ZNF841: variants seen among roughly 807,000 people sequenced by gnomAD.
ZNF841 encodes the protein TCONS_00006091.
In ZNF841, 11 loss-of-function variants were observed where a neutral mutation model predicts 13.0. The ratio of observed to expected loss-of-function variants is 0.85; its 90% confidence interval spans 0.53 to 1.40. ZNF841 has a LOEUF of 1.40. Ranked by LOEUF, ZNF841 falls within the 40% of genes most tolerant of loss-of-function variation. The pLI is 0.00. For missense variants in ZNF841, 1,068 were observed against 1,139.5 expected (o/e 0.94, Z 0.90); for synonymous variants, 369 against 381.6 (o/e 0.97, Z 0.38).
At chr19:52,090,073 AGATT>A (rs1252070061) in intron 2 of ZNF841, among the ~76,000 whole-genome samples, 1 of 152,200 alleles carries the variant, frequency 6.6e-6, no homozygotes, top group Non-Finnish European at 1.5e-5. Flanking sequence ...GGCATTGGCT[AGATT>A]AAGTTCAGTG....
chr19:52,086,314 G>A (rs1177956047), intron 3 of ZNF841, among the ~76,000 whole-genome samples: 1 of 152,064 alleles, frequency 6.6e-6, no homozygotes, highest in East Asian at 1.9e-4. Flanking sequence ...CCACCCCTTG[G>A]TGCTGTTCTT....
chr19:52,094,443 T>C lies in ZNF841; in HGVS notation c.-269-472A>G, dbSNP rs539501217. The stretch of plus-strand genomic sequence containing the variant: ...TTTCTGTTTTGCACCCCTTTCTTTA[T>C]TCCCTCTTTTATGTCTGTTCTGCCC... On this transcript the variant is annotated intron_variant, in intron 1 of 6. Coordinates refer to ENST00000594440, the MANE Select transcript of ZNF841 (RefSeq NM_001136499.2). Among the ~76,000 whole-genome samples, 5 of 152,138 alleles carry C rather than the reference T, an allele frequency of 3.3e-5. No homozygotes were observed. In the South Asian group the frequency reaches 1.0e-3, roughly 32 times the overall value.
Position 52,066,498 on chromosome 19 carries a change from A to G in ZNF841, c.1384T>C (p.Cys462Arg), listed in dbSNP as rs1191617964. 36 of 1,614,094 alleles carry G rather than the reference A, an allele frequency of 2.2e-5. No individual in the cohort carries two copies. Among genetic ancestry groups the G allele is most frequent in the Non-Finnish European group, 3.1e-5 (36 of 1,179,988 alleles). Residue 462 changes from cysteine (C) to arginine (R), a missense_variant, in exon 7 of 7, where the codon TGT (cysteine) becomes CGT (arginine). Transcript: ENST00000594440. ...TGETPYKCNECGKVFFQRSRL... is the reference protein window; with the variant it reads ...TGETPYKCNERGKVFFQRSRL... ...GAACGTTGAAAGAAGACCTTGCCACATTCATTACATTTGTAAGGTGTCTCT... is the reference window on the plus strand; with the variant it reads ...GAACGTTGAAAGAAGACCTTGCCACGTTCATTACATTTGTAAGGTGTCTCT...
chr19:52,083,487 A>T (rs2088167732), intron 4 of ZNF841, among the ~76,000 whole-genome samples: 1 of 152,042 alleles, frequency 6.6e-6, no homozygotes, highest in African/African-American at 2.4e-5. Flanking sequence ...AAAAAAATAA[A>T]AATTCTTTGT....
chr19:52,094,534 C>T (rs1030333813), intron 1 of ZNF841, among the ~76,000 whole-genome samples: 2 of 152,088 alleles, frequency 1.3e-5, no homozygotes, highest in African/African-American at 4.8e-5. Context: ...TGTCCCCAAT[C>T]TCCACGTATT....
At chr19:52,089,055 C>G (rs113836367) in intron 2 of ZNF841, 53 bp from the exon 3 acceptor site, 7 of 152,070 alleles carry the variant, frequency 4.6e-5, no homozygotes, top group Admixed American at 4.6e-4. Flanking sequence ...CCAGTAGGCA[C>G]GAAAACAATG....
chr19:52,087,658 A>G (rs141987096), intron 3 of ZNF841, among the ~76,000 whole-genome samples: 1,774 of 152,118 alleles, frequency 0.012, 35 homozygotes, highest in African/African-American at 0.041. Context: ...GAACCTTGAA[A>G]TGGGCCAGGT....
chr19:52,068,547 G>A (rs1431805545), intron 6 of ZNF841, among the ~76,000 whole-genome samples: 1 of 151,592 alleles, frequency 6.6e-6, no homozygotes, highest in African/African-American at 2.4e-5. Flanking sequence ...GTGGTGGCAC[G>A]TGCCTGTAAT....
In ZNF841 at chr19:52,067,299, A is replaced by G. The variant is rs2087609472; in HGVS notation, c.583T>C (p.Leu195=). Residue 195 remains leucine, a synonymous_variant, in exon 7 of 7, where the codon TTG becomes CTG. Coordinates refer to ENST00000594440, the MANE Select transcript of ZNF841 (RefSeq NM_001136499.2). ...TTCTCTGCAGTTTGAAATTTCTGCA[A>G]TTCACCCAGACCGGACTGAAACCTT... The part of the protein sequence containing the change: ...ILRFQSGLGE[L]QKFQTAEKIY... 6.4e-7 allele frequency: 1 copy of G among 1,551,830 alleles called. No individual in the cohort carries two copies. Among genetic ancestry groups the G allele is most frequent in the Non-Finnish European group, 8.7e-7 (1 of 1,146,998 alleles).
Position 52,066,363 on chromosome 19 carries a change from G to A in ZNF841, c.1519C>T (p.His507Tyr). 6.2e-7 allele frequency: 1 copy of A among 1,614,080 alleles called. No individual in the cohort carries two copies. Among genetic ancestry groups the A allele is most frequent in the South Asian group, 1.1e-5 (1 of 91,080 alleles). ...CATTTGTAAGGTTTCTCTCCAGTATGAACTCTCTGATGCACTGCAAGATGT... is the reference window on the plus strand; with the variant it reads ...CATTTGTAAGGTTTCTCTCCAGTATAAACTCTCTGATGCACTGCAAGATGT... The part of the protein sequence containing the change: ...HSHLAVHQRV[H>Y]TGEKPYKCNE... Residue 507 changes from histidine to tyrosine, a missense_variant, in exon 7 of 7, where the codon CAT (histidine) becomes TAT (tyrosine). Physicochemically the swap from His to Tyr is moderately conservative, Grantham distance 83. Coordinates refer to ENST00000594440, the MANE Select transcript of ZNF841 (RefSeq NM_001136499.2).
At chr19:52,071,636 T>A (rs1774223402) in intron 6 of ZNF841, among the ~76,000 whole-genome samples, 1 of 152,214 alleles carries the variant, frequency 6.6e-6, no homozygotes, top group Non-Finnish European at 1.5e-5. Flanking sequence ...AAGCTGTTAT[T>A]AGTTTAAAAT....
At chr19:52,060,760 G>A (rs919634875), downstream of ZNF841, among the ~76,000 whole-genome samples, 5 of 152,184 alleles carry the variant, frequency 3.3e-5, no homozygotes, top group South Asian at 2.1e-4. Flanking sequence ...GCAGCAGCTC[G>A]TCCAGGGCAA....
At chr19:52,085,050 T>C (rs1201776433) in intron 3 of ZNF841, among the ~76,000 whole-genome samples, 172 bp from the exon 4 acceptor site, 2 of 152,074 alleles carry the variant, frequency 1.3e-5, no homozygotes, top group Non-Finnish European at 2.9e-5. Flanking sequence ...CACCCTTTTC[T>C]TCAGAACTTG....
chr19:52,095,376 G>C (rs1258280986), intron 1 of ZNF841, among the ~76,000 whole-genome samples, 199 bp downstream of exon 1: 1 of 152,158 alleles, frequency 6.6e-6, no homozygotes, highest in Non-Finnish European at 1.5e-5. Context: ...GCAGACGACG[G>C]AGGAGCTCGG....
intron 2 of ZNF841, among the ~76,000 whole-genome samples, 197 bp from the exon 3 acceptor site, chr19:52,089,199 TTAGGAAGG>T (rs2123370302): frequency 6.6e-6 from 1 of 152,208 alleles, no homozygotes; most frequent in East Asian, 1.9e-4. Flanking sequence ...TATGACAACT[TTAGGAAGG>T]TAAAGGATCT....
At chr19:52,082,873 G>A (rs2088144156) in intron 4 of ZNF841, among the ~76,000 whole-genome samples, 1 of 152,130 alleles carries the variant, frequency 6.6e-6, no homozygotes, top group Non-Finnish European at 1.5e-5. Flanking sequence ...TAGGTCAGGA[G>A]ATCGAGACCA....
At chr19:52,089,927 T>C (rs16983446) in intron 2 of ZNF841, among the ~76,000 whole-genome samples, 3,135 of 152,168 alleles carry the variant, frequency 0.021, 93 homozygotes, top group African/African-American at 0.072. Flanking sequence ...TCTGGGCACA[T>C]GCAACACAGC....
intron 4 of ZNF841, among the ~76,000 whole-genome samples, chr19:52,082,292 T>C (rs1349915564): frequency 6.6e-6 from 1 of 152,146 alleles, no homozygotes; most frequent in Non-Finnish European, 1.5e-5. Context: ...AATGTGACTG[T>C]TGTATAAAAA....
chr19:52,067,093 A>T lies in ZNF841; in HGVS notation c.789T>A (p.Gly263=), dbSNP rs778644159. Residue 263 remains glycine (G), a synonymous_variant, in exon 7 of 7, where the codon GGT becomes GGA. Transcript: ENST00000594440. ...CTCTGAAGGCTTTGCCACACTCATT[A>T]CCTATGTAAGGTTTTTCCCTAATAT... is the stretch of plus-strand genomic sequence containing the variant. ...KTHIREKPYI[G]NECGKAFRVS... is the part of the protein sequence containing the mutation. 90 of 1,596,832 alleles carry T rather than the reference A, an allele frequency of 5.6e-5. No homozygotes were observed. The highest frequency in any genetic ancestry group is 7.4e-5 in the Non-Finnish European group (87 of 1,170,418).
Sources: gnomAD v4.1 joint callset for allele counts (sites outside exome capture counted in the v4.1 genomes callset) on GRCh38, gnomAD v4.1.1 for gene constraint, MANE v1.5 for transcripts, NCBI Gene and HGNC (gene_info 2026-07-23, HGNC 2026-07-21) for gene names.